Variants in MARCHF1 observed in about 807,000 individuals in gnomAD.
The protein encoded by MARCHF1 is membrane associated ring-CH-type finger 1.
A neutral mutation model predicts 54.2 loss-of-function variants in MARCHF1; 40 were observed. The observed-to-expected ratio is 0.74, with a 90% CI of 0.57 to 0.96. The LOEUF (loss-of-function observed/expected upper bound fraction) is 0.96, where lower values mean the gene tolerates loss of function less well. MARCHF1 is among the 40% of genes least tolerant of loss of function. The probability of loss-of-function intolerance (pLI) is 0.00; values close to 1 mark genes in which losing one functional copy is unlikely to be tolerated. For synonymous variants in MARCHF1, 236 were observed against 236.3 expected, an observed-to-expected ratio of 1.00 and a Z score of 0.01; for missense variants, 586 against 656.5, an observed-to-expected ratio of 0.89 and a Z score of 1.17.
chr4:163,707,516 T>G (rs1744983719), intron 4 of MARCHF1, among the ~76,000 whole-genome samples: 1 of 151,982 alleles, frequency 6.6e-6, no homozygotes, highest in Non-Finnish European at 1.5e-5. Flanking sequence ...CAACAAGACA[T>G]CACTTTTTAC....
intron 4 of MARCHF1, among the ~76,000 whole-genome samples, chr4:163,771,098 A>G (rs1472501929): frequency 6.6e-6 from 1 of 152,226 alleles, no homozygotes; most frequent in Non-Finnish European, 1.5e-5. Flanking sequence ...GTGCTAACAT[A>G]TGTACTTTTA....
chr4:164,004,060 T>A (rs10006905), intron 2 of MARCHF1, among the ~76,000 whole-genome samples: 5,168 of 152,042 alleles, frequency 0.034, 214 homozygotes, highest in East Asian at 0.17. Context: ...TTGCCTGTGT[T>A]CACTCATAAT....
At chr4:163,647,314 T>C (rs563586907) in intron 5 of MARCHF1, among the ~76,000 whole-genome samples, 3 of 152,048 alleles carry the variant, frequency 2.0e-5, no homozygotes, top group African/African-American at 7.2e-5. Context: ...ACAATAATAG[T>C]AGGGGACTGT....
rs186561237 is a variant in MARCHF1, at chr4:164,241,748, G to A, written c.-322-130086C>T. On this transcript the variant is annotated intron_variant, in intron 1 of 9. Coordinates refer to ENST00000514618, the MANE Select transcript of MARCHF1 (RefSeq NM_001394959.1). Reference sequence around the variant, plus strand: ...ATCTCCCTAGGGAGTGCCAGACAGTGGGCACAGGTCAGTGGGTGCGCGCAC... The same window carrying A: ...ATCTCCCTAGGGAGTGCCAGACAGTAGGCACAGGTCAGTGGGTGCGCGCAC... Among the ~76,000 whole-genome samples the A allele has an allele frequency of 2.5e-4, 38 of 152,306 alleles. No individual in the cohort carries two copies. In the East Asian group the frequency reaches 4.8e-3, roughly 19 times the overall value.
At chr4:163,950,379 C>T (rs1752110782) in intron 3 of MARCHF1, among the ~76,000 whole-genome samples, 1 of 152,200 alleles carries the variant, frequency 6.6e-6, no homozygotes, top group South Asian at 2.1e-4. Context: ...ATGACAGCAT[C>T]CGGACTGTGC....
In MARCHF1 at chr4:163,996,568, T is replaced by C. The variant is rs529504953; in HGVS notation, c.-247-7859A>G. 3.3e-5 allele frequency among the ~76,000 whole-genome samples: 5 copies of C among 152,180 alleles called. No individual in the cohort carries two copies. The East Asian group carries it at 9.7e-4, about 29-fold the overall frequency. On this transcript the variant is annotated intron_variant, in intron 2 of 9. Transcript: ENST00000514618. ...AATATTGATTTTCATTAGTTGTTTA[T>C]AGATACGCATTCATATATTTTTAGC...
At chr4:164,190,226 T>A in intron 1 of MARCHF1, 1 of 1,398,852 alleles carries the variant, frequency 7.1e-7, no homozygotes, top group Non-Finnish European at 1.0e-6. Context: ...ACTTCGAAGC[T>A]AACAAGAAGG....
chr4:164,090,860 C>A (rs1755282776), intron 2 of MARCHF1, among the ~76,000 whole-genome samples: 1 of 151,980 alleles, frequency 6.6e-6, no homozygotes, highest in Admixed American at 6.6e-5. Flanking sequence ...ATTTGAACAC[C>A]AGGAATAAAA....
intron 3 of MARCHF1, among the ~76,000 whole-genome samples, chr4:163,894,982 A>G (rs35938752): frequency 0.056 from 2,297 of 41,170 alleles, 519 homozygotes; most frequent in Non-Finnish European, 0.084. Context: ...TGATGCACAC[A>G]TATACATATA....
intron 4 of MARCHF1, among the ~76,000 whole-genome samples, chr4:163,747,946 C>G (rs542034320): frequency 5.9e-4 from 90 of 152,296 alleles, no homozygotes; most frequent in African/African-American, 2.0e-3. Flanking sequence ...CCCCGAGAAG[C>G]TGGAGCTGCT....
chr4:163,634,416 T>C (rs1256201662), intron 5 of MARCHF1, among the ~76,000 whole-genome samples: 1 of 144,026 alleles, frequency 6.9e-6, no homozygotes, highest in Non-Finnish European at 1.5e-5. Flanking sequence ...ACCAAGCAAA[T>C]GGAAAACAAA....
intron 3 of MARCHF1, among the ~76,000 whole-genome samples, chr4:163,909,540 T>C (rs577236096): frequency 6.6e-6 from 1 of 152,318 alleles, no homozygotes; most frequent in South Asian, 2.1e-4. Flanking sequence ...AGGGGTTCAA[T>C]AGTCGAGTGG....
At chr4:163,543,358 A>G (rs1254865904) in intron 9 of MARCHF1, among the ~76,000 whole-genome samples, 1 of 151,862 alleles carries the variant, frequency 6.6e-6, no homozygotes, top group Non-Finnish European at 1.5e-5. Context: ...TTGGTGATTG[A>G]TTTAAGGTAG....
At chr4:164,207,988 C>A (rs545355162) in intron 1 of MARCHF1, among the ~76,000 whole-genome samples, 42 of 151,866 alleles carry the variant, frequency 2.8e-4, no homozygotes, top group East Asian at 5.8e-4. Flanking sequence ...TGAAAAAAAA[C>A]CAAAAAACCT....
intron 2 of MARCHF1, among the ~76,000 whole-genome samples, chr4:164,031,981 A>G (rs1753886722): frequency 6.6e-6 from 1 of 152,030 alleles, no homozygotes; most frequent in African/African-American, 2.4e-5. Context: ...TTTGGTTGGT[A>G]GGCTATTTAG....
chr4:164,340,837 T>C (rs1239663294), intron 1 of MARCHF1, among the ~76,000 whole-genome samples: 1 of 150,446 alleles, frequency 6.6e-6, no homozygotes, highest in Non-Finnish European at 1.5e-5. Flanking sequence ...CGATTACAGG[T>C]GTGAGCCACT....
At chr4:164,330,844 T>C (rs1435887989) in intron 1 of MARCHF1, among the ~76,000 whole-genome samples, 1 of 152,220 alleles carries the variant, frequency 6.6e-6, no homozygotes, top group Non-Finnish European at 1.5e-5. Flanking sequence ...TAACCATTCA[T>C]GCTACACCTA....
chr4:164,180,035 C>A (rs561577126), intron 1 of MARCHF1, among the ~76,000 whole-genome samples: 1 of 150,728 alleles, frequency 6.6e-6, no homozygotes, highest in African/African-American at 2.4e-5. Context: ...AGTGACTTAT[C>A]TTTGTACTTT....
At chr4:164,317,199 G>C (rs1479273010) in intron 1 of MARCHF1, among the ~76,000 whole-genome samples, 1 of 152,162 alleles carries the variant, frequency 6.6e-6, no homozygotes, top group Non-Finnish European at 1.5e-5. Context: ...CAAATTATTA[G>C]TAACCAGTTT....
Sources: gnomAD v4.1 joint callset for allele counts (sites outside exome capture counted in the v4.1 genomes callset) on GRCh38, gnomAD v4.1.1 for gene constraint, MANE v1.5 for transcripts, NCBI Gene and HGNC (gene_info 2026-07-23, HGNC 2026-07-21) for gene names.